The following ZMIZ1 variants were observed in gnomAD, a reference collection of about 807,000 sequenced individuals.
ZMIZ1 encodes the protein zinc finger MIZ domain-containing protein 1.
Under a neutral mutation model 113.9 loss-of-function variants are expected in ZMIZ1, and 17 were observed. That is an observed-to-expected ratio of 0.15 (90% confidence interval 0.10 to 0.22). The LOEUF is 0.22. Ranked by LOEUF, ZMIZ1 falls within the 10% of genes least tolerant of loss-of-function variation. ZMIZ1 has a pLI of 1.00. For missense variants in ZMIZ1, 1,059 were observed against 1,477.8 expected (o/e 0.72, Z 4.65); for synonymous variants, 607 against 603.1 (o/e 1.01, Z -0.09).
chr10:79,294,461 A>G (rs1432617443), intron 12 of ZMIZ1: 1 of 152,378 alleles, frequency 6.6e-6, no homozygotes, highest in African/African-American at 2.4e-5. Context: ...AAAAGTTTTT[A>G]GCAGAGACTC....
chr10:79,297,691 G>A lies in ZMIZ1; in HGVS notation c.1491+1G>A, dbSNP rs752772084. 1.9e-6 allele frequency: 3 copies of A among 1,613,264 alleles called. No homozygotes were observed. Among genetic ancestry groups the A allele is most frequent in the African/African-American group, 2.7e-5 (2 of 74,898 alleles). ...CTACAGCCAAGGGAATGTCAACAGG[G>A]TATGTTCCAATTTAATTTACAAATT... is the stretch of plus-strand genomic sequence containing the variant. On this transcript the variant is annotated splice_donor_variant, in intron 14 of 24. Coordinates refer to ENST00000334512, the MANE Select transcript of ZMIZ1 (RefSeq NM_020338.4). LOFTEE classifies it high-confidence loss of function.
intron 1 of ZMIZ1, among the ~76,000 whole-genome samples, chr10:79,101,612 G>A (rs115247707): frequency 2.5e-3 from 374 of 152,282 alleles, no homozygotes; most frequent in African/African-American, 8.5e-3. Flanking sequence ...GTGGGGTCAG[G>A]GGAGGGCCTA....
At chr10:79,245,605 G>A (rs1456814684) in intron 7 of ZMIZ1, among the ~76,000 whole-genome samples, 2 of 152,184 alleles carry the variant, frequency 1.3e-5, no homozygotes, top group African/African-American at 4.8e-5. Flanking sequence ...CAGTCCCTGG[G>A]AACTCTGAGA....
At chr10:79,283,748 GAA>G (rs2132000423) in intron 8 of ZMIZ1, among the ~76,000 whole-genome samples, 1 of 152,304 alleles carries the variant, frequency 6.6e-6, no homozygotes, top group South Asian at 2.1e-4. Context: ...CCTTCCTACT[GAA>G]AAAGTTTTAA....
intron 24 of ZMIZ1, 99 bp downstream of exon 24, chr10:79,311,283 GAGGAGGTGGGT>G: frequency 1.2e-6 from 1 of 812,122 alleles, no homozygotes; most frequent in Non-Finnish European, 1.8e-6. Context: ...GCCCCGAAGG[GAGGAGGTGGGT>G]GGGCGGTGGG....
At chr10:79,259,954 CT>C (rs1254519015) in intron 7 of ZMIZ1, among the ~76,000 whole-genome samples, 1 of 152,184 alleles carries the variant, frequency 6.6e-6, no homozygotes, top group Non-Finnish European at 1.5e-5. Flanking sequence ...TTTGCTCCCC[CT>C]CTCTCCACTC....
At chr10:79,243,702 G>A in intron 7 of ZMIZ1, 1 of 299,486 alleles carries the variant, frequency 3.3e-6, no homozygotes, top group Non-Finnish European at 6.6e-6. Context: ...AGCCCCCGAG[G>A]GCGCCAGGGC....
At chr10:79,221,232 G>A (rs1475396758) in intron 7 of ZMIZ1, among the ~76,000 whole-genome samples, 1 of 152,182 alleles carries the variant, frequency 6.6e-6, no homozygotes, top group Non-Finnish European at 1.5e-5. Context: ...GCCGGCCGTG[G>A]TGCAGGAGCA....
At chr10:79,161,280 TG>T (rs888219662) in intron 3 of ZMIZ1, among the ~76,000 whole-genome samples, 2 of 152,202 alleles carry the variant, frequency 1.3e-5, no homozygotes, top group Non-Finnish European at 2.9e-5. Flanking sequence ...TTCACAGCCA[TG>T]GGGGCTTCCT....
intron 7 of ZMIZ1, among the ~76,000 whole-genome samples, chr10:79,260,176 C>A (rs1237827390): frequency 6.6e-6 from 1 of 152,236 alleles, no homozygotes; most frequent in Non-Finnish European, 1.5e-5. Context: ...GCCCTGCCTT[C>A]CATCAGTGTT....
At chr10:79,101,490 T>G (rs193192281) in intron 1 of ZMIZ1, among the ~76,000 whole-genome samples, 3 of 152,252 alleles carry the variant, frequency 2.0e-5, no homozygotes, top group Non-Finnish European at 2.9e-5. Context: ...TTCTCTCAAG[T>G]CAGAGAAGAA....
chr10:79,245,406 G>A (rs115904081), intron 7 of ZMIZ1, among the ~76,000 whole-genome samples: 7 of 152,332 alleles, frequency 4.6e-5, no homozygotes, highest in Non-Finnish European at 7.3e-5. Flanking sequence ...TCTCATCACC[G>A]TATGCCCCAG....
chr10:79,118,215 G>T lies in ZMIZ1; in HGVS notation c.-336-700G>T, dbSNP rs138448414. Among the ~76,000 whole-genome samples the T allele has an allele frequency of 1.3e-5, 2 of 152,096 alleles. No homozygotes were observed. The highest frequency in any genetic ancestry group is 2.9e-5 in the Non-Finnish European group (2 of 68,024). The stretch of plus-strand genomic sequence containing the variant: ...CAATCTGACCCCATATTCTAGAATC[G>T]AATAGAGGAAGGGATGGGGGGAGGC... On this transcript the variant is annotated intron_variant, in intron 1 of 24. Coordinates refer to ENST00000334512, the MANE Select transcript of ZMIZ1 (RefSeq NM_020338.4). The surrounding 1 kb of genome is among the most constrained non-coding windows in gnomAD (Gnocchi z 4.1).
chr10:79,098,668 G>A (rs560191173), intron 1 of ZMIZ1, among the ~76,000 whole-genome samples: 30 of 152,302 alleles, frequency 2.0e-4, no homozygotes, highest in African/African-American at 6.3e-4. Context: ...TCATACAGCC[G>A]CCCAGAAGCA....
At chr10:79,156,392 C>T (rs1845903847) in intron 3 of ZMIZ1, among the ~76,000 whole-genome samples, 1 of 152,132 alleles carries the variant, frequency 6.6e-6, no homozygotes, top group Non-Finnish European at 1.5e-5. Flanking sequence ...CCTGAGGGCC[C>T]AGCAGCAGGT....
At chr10:79,234,534 A>G (rs1479468687) in intron 7 of ZMIZ1, among the ~76,000 whole-genome samples, 1 of 152,254 alleles carries the variant, frequency 6.6e-6, no homozygotes, top group Non-Finnish European at 1.5e-5. Context: ...ACAGAAAATT[A>G]TAAGAAAGTA....
rs1855497451 is a variant in ZMIZ1 at position 79,315,792 on chromosome 10, C to T, written c.*3043C>T. On this transcript the variant is annotated 3_prime_UTR_variant, in exon 25 of 25. Transcript: ENST00000334512. ...TACATATGTAAATGAGAAATAGAGA[C>T]GTGTCAACAGATGCATTCATTTCTC... 1 of 152,558 alleles carries T rather than the reference C, an allele frequency of 6.6e-6. No homozygotes were observed. The highest frequency in any genetic ancestry group is 2.4e-5 in the African/African-American group (1 of 41,370). 9.5% of individuals were successfully genotyped at this position (152,558 alleles called of 1,614,324 possible). A position where few individuals can be genotyped will look rare whatever the true frequency, so the allele number is the denominator to read the frequency against.
intron 1 of ZMIZ1, among the ~76,000 whole-genome samples, chr10:79,094,022 A>C (rs1037035040): frequency 6.6e-6 from 1 of 152,212 alleles, no homozygotes; most frequent in East Asian, 1.9e-4. Context: ...TTTATAAATA[A>C]ACAGTCGACC....
At chr10:79,156,166 G>A (rs1484226038) in intron 3 of ZMIZ1, among the ~76,000 whole-genome samples, 2 of 151,040 alleles carry the variant, frequency 1.3e-5, no homozygotes, top group African/African-American at 4.9e-5. Context: ...ATGAATGAAT[G>A]AAATGAACAA....
Sources: allele counts gnomAD v4.1 joint callset (sites outside exome capture counted in the v4.1 genomes callset), GRCh38; gene constraint gnomAD v4.1.1; non-coding constraint Gnocchi (gnomAD v3.1); transcripts MANE v1.5; gene names NCBI Gene and HGNC (gene_info 2026-07-23, HGNC 2026-07-21).